Variants in ARHGAP4 observed in about 807,000 individuals in gnomAD.
The protein encoded by ARHGAP4 is Rho GTPase activating protein 4.
A neutral mutation model predicts 67.6 loss-of-function variants in ARHGAP4; 25 were observed. The ratio of observed to expected loss-of-function variants is 0.37; its 90% CI spans 0.27 to 0.52. The LOEUF (loss-of-function observed/expected upper bound fraction) is 0.52. Ranked by LOEUF, ARHGAP4 falls within the 20% of genes least tolerant of loss-of-function variation. ARHGAP4 has a pLI of 0.92. For synonymous variants in ARHGAP4, 448 were observed against 373.7 expected (o/e 1.20, Z -2.29); for missense variants, 804 against 854.6 (o/e 0.94, Z 0.74).
chrX:153,912,320 C>T (rs2065026936), intron 12 of ARHGAP4, among the ~76,000 whole-genome samples: 1 of 111,691 alleles, frequency 9.0e-6, no homozygotes, highest in African/African-American at 3.3e-5. Flanking sequence ...CCGTGCCTGG[C>T]CCCCTCTGAT....
intron 2 of ARHGAP4, 32 bp from the exon 3 acceptor site, chrX:153,921,559 C>T (rs782531218): frequency 1.3e-5 from 15 of 1,199,324 alleles, no homozygotes; most frequent in East Asian, 1.2e-4. Context: ...GACCTGGGAG[C>T]GGAGCTTGGG....
intron 5 of ARHGAP4, 138 bp from the exon 6 acceptor site, chrX:153,919,421 C>T (rs1213019378): frequency 8.7e-7 from 1 of 1,142,870 alleles, no homozygotes; most frequent in African/African-American, 1.8e-5. Flanking sequence ...AGTCCTGCTG[C>T]CTTCCCCACG....
In ARHGAP4 at chrX:153,911,114, C is replaced by T. The variant is rs2065017935; in HGVS notation, c.1603+15G>A. ...CTGGGTGCCAGGACATCGGGAGGGG[C>T]TGGGTCCTGCTTACCATTGAGGTTG... On this transcript the variant is annotated intron_variant, in intron 13 of 21. Transcript: ENST00000350060. 8.6e-7 allele frequency: 1 copy of T among 1,168,871 alleles called. No individual in the cohort carries two copies. The highest frequency in any genetic ancestry group is 1.1e-6 in the Non-Finnish European group (1 of 873,479).
Position 153,910,503 on chromosome X carries a change from C to G in ARHGAP4, c.1922+3G>C, listed in dbSNP as rs1557102815. The G allele has an allele frequency of 3.3e-6, 4 of 1,199,808 alleles. No individual in the cohort carries two copies. The highest frequency in any genetic ancestry group is 4.5e-6 in the Non-Finnish European group (4 of 888,803). On this transcript the variant is annotated splice_donor_region_variant and intron_variant, in intron 16 of 21. Transcript: ENST00000350060. ...ACCCCAGCACTCGCCCCGCAGCACT[C>G]ACTGGTTGAGGAAGGTGAAGAGGTA...
intron 5 of ARHGAP4, chrX:153,919,791 T>TA: frequency 2.4e-6 from 2 of 827,243 alleles, no homozygotes; most frequent in South Asian, 4.1e-5. Flanking sequence ...ATTTTTTTTT[T>TA]ATTTTTTTTT....
In ARHGAP4 at chrX:153,910,372, T is replaced by C. The variant is rs782679035; in HGVS notation, c.1955A>G (p.Asp652Gly). Residue 652 changes from aspartate (D) to glycine (G), a missense_variant, in exon 17 of 22, where the codon GAC (aspartate) becomes GGC (glycine). Around this residue, in one of 2 missense-constraint regions of ARHGAP4, gnomAD observed 400 missense variants for 348.7 expected, o/e 1.15. Coordinates refer to ENST00000350060, the MANE Select transcript of ARHGAP4 (RefSeq NM_001666.5). The stretch of plus-strand genomic sequence containing the variant: ...GAAGCACACGGCCAGGTTGTAGGGG[T>C]CCATCATGTTCTCATCGCTGTACTG... Reference protein sequence around the residue: ...LAQYSDENMMDPYNLAVCFGP... With the variant: ...LAQYSDENMMGPYNLAVCFGP... 137 of 1,197,121 alleles carry C rather than the reference T, an allele frequency of 1.1e-4. 2 individuals are homozygous for C. The East Asian group carries it at 3.9e-3, about 34-fold the overall frequency.
chrX:153,907,999 GT>G, intron 21 of ARHGAP4, 37 bp from the exon 22 acceptor site: 1 of 1,124,338 alleles, frequency 8.9e-7, no homozygotes, highest in Non-Finnish European at 1.2e-6. Context: ...TGACCAGTGA[GT>G]TCCCCCGACT....
At position 153,909,907 on chromosome X, in the gene ARHGAP4, C is replaced by G; in HGVS notation, c.2248G>C (p.Glu750Gln). The G allele has an allele frequency of 8.3e-7, 1 of 1,205,793 alleles. No homozygotes were observed. The highest frequency in any genetic ancestry group is 2.2e-5 in the Admixed American group (1 of 45,665). Residue 750 changes from glutamate (E) to glutamine (Q), a missense_variant, in exon 19 of 22, where the codon GAG becomes CAG. Glu to Gln is a conservative substitution (Grantham distance 29, BLOSUM62 2). Transcript: ENST00000350060. ...GTGTAGGCAAAGCAGGCCACAGCCT[C>G]CACGACCCCCTCCAGGTCTGGGGAG... ...AQEDDLEGVV[E>Q]AVACFAYTGR...
chrX:153,912,879 C>T (rs1043552883), intron 11 of ARHGAP4, 77 bp from the exon 12 acceptor site: 18 of 1,112,496 alleles, frequency 1.6e-5, no homozygotes, highest in Admixed American at 7.2e-5. Flanking sequence ...CCAGCCAAGC[C>T]GGCCTCTAAT....
Position 153,910,152 on chromosome X carries a change from G to C in ARHGAP4, c.2156+19C>G, listed in dbSNP as rs368311630. 1,090 of 1,209,350 alleles carry C rather than the reference G, an allele frequency of 9.0e-4. 13 individuals carry two copies. The highest frequency in any genetic ancestry group is 2.3e-4 in the Middle Eastern group (1 of 4,367). On this transcript the variant is annotated intron_variant, in intron 17 of 21. Coordinates refer to ENST00000350060, the MANE Select transcript of ARHGAP4 (RefSeq NM_001666.5). ...CTCCAGTGGACCCCCCAGTCCCCTC[G>C]GCAGCACCAAGGGTGTACCCCAGGC...
At chrX:153,919,573 A>G (rs1557104812) in intron 5 of ARHGAP4, 1 of 1,159,889 alleles carries the variant, frequency 8.6e-7, no homozygotes, top group Admixed American at 2.7e-5. Context: ...ATACCTGATG[A>G]GTGGAAGGTG....
rs782782120 is a variant in ARHGAP4 at position 153,909,906 on chromosome X, T to C, written c.2249A>G (p.Glu750Gly). ...AQEDDLEGVV[E>G]AVACFAYTGR... ...CGTGTAGGCAAAGCAGGCCACAGCC[T>C]CCACGACCCCCTCCAGGTCTGGGGA... Residue 750 changes from glutamate to glycine, a missense_variant, in exon 19 of 22, where the codon GAG (glutamate) becomes GGG (glycine). Transcript: ENST00000350060. 3 of 1,203,670 alleles carry C rather than the reference T, an allele frequency of 2.5e-6. No individual in the cohort carries two copies. The East Asian group carries it at 8.9e-5, about 36-fold the overall frequency.
At chrX:153,919,326 C>A (rs1557104758) in intron 5 of ARHGAP4, 43 bp from the exon 6 acceptor site, 1 of 1,209,869 alleles carries the variant, frequency 8.3e-7, no homozygotes, top group Non-Finnish European at 1.1e-6. Context: ...CGCACGTGGC[C>A]AGCCCCTATC....
At chrX:153,920,596 G>T (rs370544177) in intron 5 of ARHGAP4, 30 bp downstream of exon 5, 1 of 1,174,237 alleles carries the variant, frequency 8.5e-7, no homozygotes, top group South Asian at 1.9e-5. Flanking sequence ...TGGCCCATAG[G>T]CCTGCGTCTG....
rs1208563732 is a variant in ARHGAP4 at position 153,918,339 on chromosome X, G to A, written c.1032+493C>T. Among the ~76,000 whole-genome samples, 5 of 109,135 alleles carry A rather than the reference G, an allele frequency of 4.6e-5. 1 individual carries two copies. Among genetic ancestry groups the A allele is most frequent in the Middle Eastern group, 9.3e-3 (2 of 215 alleles). The allele number at this position is 109,135 out of a possible 115,157, so 94.8% of individuals were successfully genotyped here. A position where few individuals can be genotyped will look rare whatever the true frequency, so the allele number is the denominator to read the frequency against. ...GTTTCTGGGGGTGGGAGCTGGGAACGGGAGGGGTGGGTTAGGGAGCAGCTG... is the reference window on the plus strand; with the variant it reads ...GTTTCTGGGGGTGGGAGCTGGGAACAGGAGGGGTGGGTTAGGGAGCAGCTG... On this transcript the variant is annotated intron_variant, in intron 7 of 21. Coordinates refer to ENST00000350060, the MANE Select transcript of ARHGAP4 (RefSeq NM_001666.5).
chrX:153,924,400 G>T (rs782133755), intron 1 of ARHGAP4, among the ~76,000 whole-genome samples: 4 of 111,628 alleles, frequency 3.6e-5, no homozygotes, highest in Non-Finnish European at 7.5e-5. Flanking sequence ...CAGAGCTTTC[G>T]GATCTCAGTT....
At chrX:153,926,113 G>A (rs1557106234) in intron 1 of ARHGAP4, 23 bp downstream of exon 1, 2 of 1,201,532 alleles carry the variant, frequency 1.7e-6, no homozygotes, top group South Asian at 3.6e-5. Context: ...GAAACGGGCC[G>A]GGAGCGCCCG....
chrX:153,910,217 G>T lies in ARHGAP4; in HGVS notation c.2110C>A (p.Pro704Thr). Reference sequence around the variant, plus strand: ...GGTGCCATGCACTTCTCGTAGACGGGGCCAGGCAGCGAGGTCAGGGGCGGG... The same window carrying T: ...GGTGCCATGCACTTCTCGTAGACGGTGCCAGGCAGCGAGGTCAGGGGCGGG... The part of the protein sequence containing the change: ...VFPPLTSLPG[P>T]VYEKCMAPPS... The change falls in exon 17 of 22, where the codon CCC becomes ACC. Residue 704 changes from proline to threonine, a missense_variant. Pro to Thr is a conservative substitution (Grantham distance 38). Transcript: ENST00000350060. 2 of 1,211,322 alleles carry T rather than the reference G, an allele frequency of 1.7e-6. No individual in the cohort carries two copies. Among genetic ancestry groups the T allele is most frequent in the Non-Finnish European group, 2.2e-6 (2 of 895,462 alleles).
At chrX:153,921,993 G>A in intron 1 of ARHGAP4, 184 bp from the exon 2 acceptor site, 1 of 829,742 alleles carries the variant, frequency 1.2e-6, no homozygotes, top group Non-Finnish European at 1.6e-6. Context: ...GCCCCTGCAG[G>A]CAGATCTGGC....
Sources: allele counts gnomAD v4.1 joint callset (sites outside exome capture counted in the v4.1 genomes callset), GRCh38; gene constraint gnomAD v4.1.1; regional missense constraint gnomAD v4.1.1; transcripts MANE v1.5; gene names NCBI Gene and HGNC (gene_info 2026-07-23, HGNC 2026-07-21).